Variants in TNS3 observed in about 807,000 individuals in gnomAD.
The protein encoded by TNS3 is tensin-3.
Under a neutral mutation model 140.9 loss-of-function variants are expected in TNS3, and 45 were observed. The observed-to-expected ratio is 0.32, with a 90% CI of 0.25 to 0.41. TNS3 has a LOEUF of 0.41. Ranked by LOEUF, TNS3 falls within the 10% of genes least tolerant of loss-of-function variation. The pLI, the probability that TNS3 is intolerant of heterozygous loss-of-function variation, is 1.00. For missense variants in TNS3, 1,716 were observed against 1,906.7 expected (o/e 0.90, Z 1.86); for synonymous variants, 815 against 788.4 (o/e 1.03, Z -0.56).
chr7:47,403,076 T>C (rs1584577265), intron 13 of TNS3, among the ~76,000 whole-genome samples: 1 of 151,938 alleles, frequency 6.6e-6, no homozygotes, highest in African/African-American at 2.4e-5. Context: ...CAGTGGAATA[T>C]CCCCAACCGC....
intron 13 of TNS3, among the ~76,000 whole-genome samples, chr7:47,402,312 C>A (rs899646791): frequency 3.3e-5 from 5 of 152,196 alleles, no homozygotes; most frequent in African/African-American, 1.2e-4. Context: ...TACGGCCTGG[C>A]GCTGGCCAGC....
chr7:47,383,263 G>T (rs978911279), intron 16 of TNS3, among the ~76,000 whole-genome samples: 1 of 152,172 alleles, frequency 6.6e-6, no homozygotes, highest in Admixed American at 6.5e-5. Flanking sequence ...AATGCAGCTG[G>T]AACACAGGCT....
rs1792859746 is a variant in TNS3 at position 47,396,844 on chromosome 7, A to ACTGTT, written c.979_980insAACAG (p.Leu327GlnfsTer3). On this transcript the variant is annotated frameshift_variant, in exon 16 of 31. Transcript: ENST00000311160. LOFTEE classifies it high-confidence loss of function. ...GTTCTCGTACGAGTCCCAGCGTATCAGTGGGTCTGTTGTGTTGTAGTCCAC... is the reference window on the plus strand; with the variant it reads ...GTTCTCGTACGAGTCCCAGCGTATCACTGTTGTGGGTCTGTTGTGTTGTAGTCCAC... 6.2e-7 allele frequency: 1 copy of ACTGTT among 1,614,074 alleles called. No individual in the cohort carries two copies. The highest frequency in any genetic ancestry group is 8.5e-7 in the Non-Finnish European group (1 of 1,180,038).
chr7:47,575,249 C>T (rs1281924459), intron 1 of TNS3, among the ~76,000 whole-genome samples: 1 of 152,122 alleles, frequency 6.6e-6, no homozygotes, highest in African/African-American at 2.4e-5. Flanking sequence ...TTATGCAGAG[C>T]TATTTCTGGA....
At chr7:47,510,224 A>G (rs1278051753) in intron 2 of TNS3, among the ~76,000 whole-genome samples, 2 of 152,144 alleles carry the variant, frequency 1.3e-5, no homozygotes, top group Non-Finnish European at 2.9e-5. Flanking sequence ...CCTGATCACC[A>G]CTTAGGGATT....
At position 47,396,884 on chromosome 7, in the gene TNS3, CGTT is replaced by C. The variant is rs1562687187; in HGVS notation, c.937_939del (p.Asn313del). 6.2e-7 allele frequency: 1 copy of C among 1,614,072 alleles called. No homozygotes were observed. Among genetic ancestry groups the C allele is most frequent in the Admixed American group, 1.7e-5 (1 of 60,018 alleles). ...TTGTAGTCCACAATCACACCGTGGTCGTTGTACAAGTGTTCGGACCCTGCACAG... is the reference window on the plus strand; with the variant it reads ...TTGTAGTCCACAATCACACCGTGGTCGTACAAGTGTTCGGACCCTGCACAG... On this transcript the variant is annotated inframe_deletion, in exon 16 of 31. Coordinates refer to ENST00000311160, the MANE Select transcript of TNS3 (RefSeq NM_022748.12).
intron 16 of TNS3, among the ~76,000 whole-genome samples, chr7:47,387,083 C>T (rs1431246312): frequency 1.3e-5 from 2 of 152,224 alleles, no homozygotes; most frequent in Non-Finnish European, 2.9e-5. Context: ...GCATGTTTAA[C>T]ATCAAGTAGC....
chr7:47,344,997 A>G lies in TNS3; in HGVS notation c.2493T>C (p.Asp831=). The change falls in exon 19 of 31, where the codon GAT becomes GAC. Residue 831 remains aspartate, a synonymous_variant. Coordinates refer to ENST00000311160, the MANE Select transcript of TNS3 (RefSeq NM_022748.12). ...ACTCCTTGCTACTTAAAATTCTGCCATCGATAATATCGAGGTCCTGGGGAT... is the reference window on the plus strand; with the variant it reads ...ACTCCTTGCTACTTAAAATTCTGCCGTCGATAATATCGAGGTCCTGGGGAT... ...PGYPQDLDII[D]GRILSSKESM... 6.2e-7 allele frequency: 1 copy of G among 1,614,208 alleles called. No homozygotes were observed. The highest frequency in any genetic ancestry group is 8.5e-7 in the Non-Finnish European group (1 of 1,180,034).
rs1364628210 is a variant in TNS3 at position 47,389,091 on chromosome 7, A to C, written c.1024+7709T>G. Among the ~76,000 whole-genome samples the C allele has an allele frequency of 2.9e-3, 220 of 75,024 alleles. 44 individuals carry two copies. The highest frequency in any genetic ancestry group is 0.011 in the African/African-American group (176 of 16,292). 49.2% of individuals were successfully genotyped at this position (75,024 alleles called of 152,430 possible). A position where few individuals can be genotyped will look rare whatever the true frequency, so the allele number is the denominator to read the frequency against. On this transcript the variant is annotated intron_variant, in intron 16 of 30. Coordinates refer to ENST00000311160, the MANE Select transcript of TNS3 (RefSeq NM_022748.12). ...GAAGAAGAAGAAGAAGAAGAGGAAG[A>C]GGAAGAGGAAGCGGAAGCAGAAGAA...
intron 1 of TNS3, among the ~76,000 whole-genome samples, chr7:47,567,660 G>A (rs1223120967): frequency 6.8e-6 from 1 of 147,432 alleles, no homozygotes. Context: ...CTCCAGCCTG[G>A]GCAACAGAGC....
intron 20 of TNS3, among the ~76,000 whole-genome samples, chr7:47,307,544 C>A (rs1475258085): frequency 2.6e-5 from 4 of 152,208 alleles, no homozygotes; most frequent in Non-Finnish European, 5.9e-5. Flanking sequence ...TAAGAAAATG[C>A]AAAGCTGCTT....
intron 10 of TNS3, among the ~76,000 whole-genome samples, chr7:47,420,063 A>G (rs910051528): frequency 1.2e-4 from 19 of 152,200 alleles, no homozygotes; most frequent in African/African-American, 3.9e-4. Context: ...TAATGAACCC[A>G]TTTGTCGGTT....
intron 16 of TNS3, among the ~76,000 whole-genome samples, chr7:47,379,775 G>A (rs1177455091): frequency 1.3e-5 from 2 of 152,166 alleles, no homozygotes; most frequent in Admixed American, 1.3e-4. Flanking sequence ...CTGCCAGGAG[G>A]GGAGGTGCCC....
At chr7:47,284,738 T>C (rs1387920089) in intron 27 of TNS3, among the ~76,000 whole-genome samples, 1 of 152,230 alleles carries the variant, frequency 6.6e-6, no homozygotes, top group Non-Finnish European at 1.5e-5. Context: ...CATGTCCCTC[T>C]ATGTGAGCAT....
At chr7:47,526,513 C>T (rs1308237869) in intron 2 of TNS3, among the ~76,000 whole-genome samples, 1 of 152,242 alleles carries the variant, frequency 6.6e-6, no homozygotes, top group African/African-American at 2.4e-5. Context: ...AGCCCTTACC[C>T]TAAGTCCTAG....
At chr7:47,540,210 A>C (rs1799745716) in intron 1 of TNS3, among the ~76,000 whole-genome samples, 2 of 152,176 alleles carry the variant, frequency 1.3e-5, no homozygotes, top group Admixed American at 1.3e-4. Context: ...CCAGGAACAA[A>C]ATGAGGTTCT....
At chr7:47,297,981 T>C (rs916575367) in intron 23 of TNS3, among the ~76,000 whole-genome samples, 7 of 151,782 alleles carry the variant, frequency 4.6e-5, no homozygotes, top group Non-Finnish European at 1.0e-4. Context: ...AGAGATGGGG[T>C]TTCACCATGT....
At chr7:47,400,564 T>G in intron 14 of TNS3, 106 bp from the exon 15 acceptor site, 1 of 1,296,914 alleles carries the variant, frequency 7.7e-7, no homozygotes, top group Admixed American at 1.9e-5. Context: ...CTCCCAAATC[T>G]GCAATAAAGA....
chr7:47,443,090 C>A (rs1215879590), intron 4 of TNS3, among the ~76,000 whole-genome samples: 7 of 152,094 alleles, frequency 4.6e-5, no homozygotes, highest in Non-Finnish European at 7.4e-5. Flanking sequence ...GATCTAGGGG[C>A]GTGCTCTTCA....
Sources: allele counts gnomAD v4.1 joint callset (sites outside exome capture counted in the v4.1 genomes callset), GRCh38; gene constraint gnomAD v4.1.1; transcripts MANE v1.5; gene names NCBI Gene and HGNC (gene_info 2026-07-23, HGNC 2026-07-21).